PTPN22: variants seen among roughly 807,000 people sequenced by gnomAD.
PTPN22 encodes tyrosine-protein phosphatase non-receptor type 22.
Under a neutral mutation model 103.3 loss-of-function variants are expected in PTPN22, and 85 were observed. That is an observed-to-expected ratio of 0.82 (90% CI 0.69 to 0.99). The LOEUF is 0.99. PTPN22 is among the 50% of genes least tolerant of loss of function. PTPN22 has a pLI of 0.00. For missense variants in PTPN22, 865 were observed against 936.9 expected (o/e 0.92, Z 1.00); for synonymous variants, 323 against 310.2 (o/e 1.04, Z -0.43).
intron 16 of PTPN22, among the ~76,000 whole-genome samples, chr1:113,831,326 C>A (rs1489044112): frequency 6.6e-6 from 1 of 152,150 alleles, no homozygotes; most frequent in South Asian, 2.1e-4. Flanking sequence ...ACCATCACCA[C>A]AATTTAGTTC....
chr1:113,831,550 A>G (rs1382887597), intron 16 of PTPN22, among the ~76,000 whole-genome samples: 3 of 152,050 alleles, frequency 2.0e-5, no homozygotes, highest in Non-Finnish European at 4.4e-5. Context: ...TATTTCACAA[A>G]CTAGAATATC....
intron 18 of PTPN22, among the ~76,000 whole-genome samples, chr1:113,826,007 C>G (rs1358209844): frequency 6.6e-6 from 1 of 152,008 alleles, no homozygotes; most frequent in African/African-American, 2.4e-5. Context: ...GCCACCGTGG[C>G]CAGCCAATAA....
At chr1:113,860,750 G>A (rs1665503060) in intron 1 of PTPN22, among the ~76,000 whole-genome samples, 1 of 152,132 alleles carries the variant, frequency 6.6e-6, no homozygotes, top group African/African-American at 2.4e-5. Flanking sequence ...TTGATCCCAG[G>A]GCTGCTGAAA....
chr1:113,856,607 G>C, exon 6 of PTPN22: 2 of 1,614,088 alleles, frequency 1.2e-6, no homozygotes, highest in Non-Finnish European at 1.7e-6. Context: ...GCCCAGTAGC[G>C]CTCACACTTT....
intron 19 of PTPN22, among the ~76,000 whole-genome samples, chr1:113,824,395 C>T (rs537872127): frequency 6.6e-5 from 10 of 152,216 alleles, no homozygotes; most frequent in South Asian, 2.1e-4. Flanking sequence ...CCACCACACC[C>T]GGCCATCACC....
At chr1:113,817,441 T>TG (rs375525564) in intron 20 of PTPN22, among the ~76,000 whole-genome samples, 4,104 of 152,196 alleles carry the variant, frequency 0.027, 77 homozygotes, top group Non-Finnish European at 0.041. Flanking sequence ...TGCTGATTTT[T>TG]GGGTTTTTTT....
At chr1:113,870,810 G>A (rs1666516734) in intron 1 of PTPN22, among the ~76,000 whole-genome samples, 1 of 152,168 alleles carries the variant, frequency 6.6e-6, no homozygotes, top group Admixed American at 6.5e-5. Context: ...CTTGAAGCCA[G>A]GAGTTCGAGA....
At chr1:113,833,417 A>G (rs1662724217) in intron 15 of PTPN22, among the ~76,000 whole-genome samples, 2 of 152,202 alleles carry the variant, frequency 1.3e-5, no homozygotes, top group South Asian at 4.1e-4. Flanking sequence ...AAATTTAATT[A>G]GAGGTAAGTT....
chr1:113,855,093 G>A, intron 7 of PTPN22, 44 bp from the exon 8 acceptor site: 4 of 1,522,342 alleles, frequency 2.6e-6, no homozygotes, highest in Non-Finnish European at 3.6e-6. Context: ...GGCAAGGGCT[G>A]AAAAACCACC....
At chr1:113,860,314 G>A (rs140446475) in intron 1 of PTPN22, among the ~76,000 whole-genome samples, 4 of 152,088 alleles carry the variant, frequency 2.6e-5, no homozygotes, top group Non-Finnish European at 5.9e-5. Flanking sequence ...ATCTCTTATT[G>A]TGCCTAATTT....
At chr1:113,853,570 G>C (rs1011447102) in intron 9 of PTPN22, among the ~76,000 whole-genome samples, 6 of 151,680 alleles carry the variant, frequency 4.0e-5, no homozygotes, top group Non-Finnish European at 7.4e-5. Context: ...GGCTGGTCTC[G>C]AACTCCCAAC....
At chr1:113,841,599 T>C (rs1383626462) in intron 11 of PTPN22, among the ~76,000 whole-genome samples, 1 of 148,778 alleles carries the variant, frequency 6.7e-6, no homozygotes, top group East Asian at 1.9e-4. Context: ...AACAACTCTT[T>C]TTTTTTTTTT....
intron 19 of PTPN22, among the ~76,000 whole-genome samples, chr1:113,822,986 C>T (rs1050186198): frequency 3.3e-5 from 5 of 152,216 alleles, no homozygotes; most frequent in African/African-American, 1.2e-4. Flanking sequence ...TCTTGGACTA[C>T]TCATTCTAAA....
intron 13 of PTPN22, among the ~76,000 whole-genome samples, chr1:113,836,308 T>C (rs766017700): frequency 2.0e-5 from 3 of 152,246 alleles, no homozygotes; most frequent in Admixed American, 6.5e-5. Context: ...AGGGTGCTCA[T>C]TTCTACTTTC....
At chr1:113,837,843 G>C in exon 13 of PTPN22, 1 of 1,613,694 alleles carries the variant, frequency 6.2e-7, no homozygotes, top group Non-Finnish European at 8.5e-7. Context: ...GAGCACTAGA[G>C]TCATGGTGCT....
At chr1:113,829,732 C>CA in intron 17 of PTPN22, 25 bp from the exon 18 acceptor site, 4 of 1,432,516 alleles carry the variant, frequency 2.8e-6, no homozygotes, top group Middle Eastern at 2.0e-4. Context: ...AGGAGAAAAA[C>CA]ATGTTCCATT....
intron 1 of PTPN22, among the ~76,000 whole-genome samples, chr1:113,866,894 T>C (rs997395443): frequency 1.3e-5 from 2 of 152,046 alleles, no homozygotes; most frequent in African/African-American, 4.8e-5. Flanking sequence ...ATTACAGGCA[T>C]GTGCCACCAC....
At chr1:113,843,989 G>A (rs1663829187) in intron 11 of PTPN22, among the ~76,000 whole-genome samples, 1 of 152,132 alleles carries the variant, frequency 6.6e-6, no homozygotes, top group Non-Finnish European at 1.5e-5. Flanking sequence ...CTAGCACTTT[G>A]GGGGGCCAAG....
intron 19 of PTPN22, 144 bp from the exon 20 acceptor site, chr1:113,819,798 AC>A: frequency 2.1e-6 from 1 of 475,234 alleles, no homozygotes; most frequent in Non-Finnish European, 3.5e-6. Flanking sequence ...GTAGGTGCTT[AC>A]AAATGGGTTG....
Sources: allele counts gnomAD v4.1 joint callset (sites outside exome capture counted in the v4.1 genomes callset), GRCh38; gene constraint gnomAD v4.1.1; transcripts MANE v1.5; gene names NCBI Gene and HGNC (gene_info 2026-07-23, HGNC 2026-07-21).